Variants in DNER observed in about 807,000 individuals in gnomAD.
DNER encodes the protein delta and Notch-like epidermal growth factor-related receptor.
DNER carries 33 observed loss-of-function variants against 78.2 expected under a neutral mutation model. That is an observed-to-expected ratio of 0.42 (90% CI 0.32 to 0.56). The LOEUF (loss-of-function observed/expected upper bound fraction) is 0.56, where lower values mean the gene tolerates loss of function less well. Ranked by LOEUF, DNER falls within the 20% of genes least tolerant of loss-of-function variation. DNER has a pLI of 0.11. For synonymous variants in DNER, 417 were observed against 384.8 expected (o/e 1.08, Z -0.98); for missense variants, 918 against 975.3 (o/e 0.94, Z 0.78).
intron 1 of DNER, among the ~76,000 whole-genome samples, chr2:229,706,977 C>G (rs1444851068): frequency 6.6e-6 from 1 of 151,946 alleles, no homozygotes; most frequent in Non-Finnish European, 1.5e-5. Context: ...CTTTGGCCAC[C>G]CTTGATTTAG....
At chr2:229,371,659 A>C (rs1692486432) in intron 11 of DNER, among the ~76,000 whole-genome samples, 1 of 152,238 alleles carries the variant, frequency 6.6e-6, no homozygotes, top group East Asian at 1.9e-4. Context: ...GGCCAAGCTG[A>C]GAATAAAATC....
rs568368401 is a variant in DNER, at chr2:229,662,604, C to T, written c.276+51544G>A. 7.3e-4 allele frequency among the ~76,000 whole-genome samples: 111 copies of T among 152,278 alleles called. 1 individual carries two copies. The highest frequency in any genetic ancestry group is 1.3e-3 in the Non-Finnish European group (89 of 68,018). ...GACTCTGAGGAAGGAAACAACCACCCTCTCCTCCCTCATGGCCTTCAGGCT... is the reference window on the plus strand; with the variant it reads ...GACTCTGAGGAAGGAAACAACCACCTTCTCCTCCCTCATGGCCTTCAGGCT... On this transcript the variant is annotated intron_variant, in intron 1 of 12. Transcript: ENST00000341772.
chr2:229,396,853 C>T (rs1182773629), intron 10 of DNER, among the ~76,000 whole-genome samples: 1 of 152,022 alleles, frequency 6.6e-6, no homozygotes, highest in Non-Finnish European at 1.5e-5. Flanking sequence ...CAAAAAGTAC[C>T]TCTGAGACTC....
At chr2:229,563,411 C>G (rs1387731400) in intron 4 of DNER, among the ~76,000 whole-genome samples, 1 of 149,144 alleles carries the variant, frequency 6.7e-6, no homozygotes, top group Non-Finnish European at 1.5e-5. Context: ...ATCACCCCAT[C>G]GCCATCATCA....
chr2:229,530,285 A>G (rs1696278678), intron 5 of DNER, among the ~76,000 whole-genome samples: 1 of 152,200 alleles, frequency 6.6e-6, no homozygotes, highest in Admixed American at 6.5e-5. Flanking sequence ...CAAAAACAAA[A>G]TGCATAAATG....
chr2:229,413,341 T>TTTTTTTTTTC, intron 9 of DNER, among the ~76,000 whole-genome samples: 1 of 137,188 alleles, frequency 7.3e-6, no homozygotes, highest in Non-Finnish European at 1.6e-5. Context: ...TTTTTTTTTT[T>TTTTTTTTTTC]TGACGGAGTC....
rs974791695 is a variant in DNER, at chr2:229,714,392, G to C, written c.32C>G (p.Ala11Gly). 2.5e-6 allele frequency: 3 copies of C among 1,189,234 alleles called. No homozygotes were observed. The highest frequency in any genetic ancestry group is 7.5e-5 in the East Asian group (2 of 26,580). 73.7% of individuals were successfully genotyped at this position (1,189,234 alleles called of 1,614,324 possible). The change falls in exon 1 of 13, where the codon GCG becomes GGG. Residue 11 changes from alanine (A) to glycine (G), a missense_variant. Physicochemically the swap from Ala to Gly is moderately conservative, Grantham distance 60 (BLOSUM62 0). Coordinates refer to ENST00000341772, the MANE Select transcript of DNER (RefSeq NM_139072.4). ...CAGGGCCAGCGCGGGCAGCAGCTGC[G>C]CACCGGGCGCCTGGGCGCGGCGGGG... MQPRRAQAPG[A>G]QLLPALALLL...
chr2:229,497,237 A>C (rs1400805323), intron 6 of DNER, among the ~76,000 whole-genome samples: 1 of 152,196 alleles, frequency 6.6e-6, no homozygotes, highest in African/African-American at 2.4e-5. Flanking sequence ...AAAAATGTAA[A>C]AATATCTTGA....
chr2:229,675,862 G>A (rs1481247582), intron 1 of DNER, among the ~76,000 whole-genome samples: 1 of 152,168 alleles, frequency 6.6e-6, no homozygotes, highest in Non-Finnish European at 1.5e-5. Flanking sequence ...GGTGAATAAT[G>A]AAGTCCACCT....
intron 9 of DNER, among the ~76,000 whole-genome samples, chr2:229,410,187 A>G (rs533013041): frequency 4.2e-4 from 64 of 152,288 alleles, no homozygotes; most frequent in African/African-American, 1.5e-3. Flanking sequence ...TGCAAAGCTG[A>G]ACCTTGATTT....
At chr2:229,565,474 A>T (rs1406524238) in intron 4 of DNER, among the ~76,000 whole-genome samples, 1 of 152,228 alleles carries the variant, frequency 6.6e-6, no homozygotes, top group African/African-American at 2.4e-5. Context: ...AGTTGTAAAA[A>T]ATATGTGAAT....
At chr2:229,604,567 C>G (rs1461249908) in intron 1 of DNER, among the ~76,000 whole-genome samples, 2 of 152,122 alleles carry the variant, frequency 1.3e-5, no homozygotes, top group African/African-American at 2.4e-5. Context: ...TCGGGGGAGG[C>G]TTTGGGTTGA....
intron 8 of DNER, among the ~76,000 whole-genome samples, chr2:229,432,636 G>A (rs1023989624): frequency 6.6e-6 from 1 of 152,104 alleles, no homozygotes; most frequent in African/African-American, 2.4e-5. Flanking sequence ...GGGTCTCAGT[G>A]CAGTCCCCAG....
intron 1 of DNER, among the ~76,000 whole-genome samples, chr2:229,711,215 G>C (rs1004910869): frequency 6.6e-6 from 1 of 152,102 alleles, no homozygotes; most frequent in Non-Finnish European, 1.5e-5. Flanking sequence ...CACCAAAGGA[G>C]GGAACCCCTG....
At chr2:229,474,296 A>G (rs958481378) in intron 7 of DNER, among the ~76,000 whole-genome samples, 1 of 152,222 alleles carries the variant, frequency 6.6e-6, no homozygotes, top group Non-Finnish European at 1.5e-5. Context: ...GGCCAGTGGG[A>G]GAGGCAGCTT....
intron 6 of DNER, among the ~76,000 whole-genome samples, chr2:229,500,078 C>T (rs1260398478): frequency 6.6e-6 from 1 of 152,122 alleles, no homozygotes; most frequent in African/African-American, 2.4e-5. Context: ...GGACTACAGG[C>T]ACTTGCCACC....
At chr2:229,606,727 G>A (rs994911038) in intron 1 of DNER, among the ~76,000 whole-genome samples, 2 of 151,972 alleles carry the variant, frequency 1.3e-5, no homozygotes, top group African/African-American at 2.4e-5. Context: ...ACCCTGTCTC[G>A]ATTAAAAATG....
rs138199482 is a variant in DNER, at chr2:229,395,374, G to A, written c.1724-6978C>T. Among the ~76,000 whole-genome samples, 42 of 152,332 alleles carry A rather than the reference G, an allele frequency of 2.8e-4. 1 individual carries two copies. The South Asian group carries it at 8.3e-3, about 30-fold the overall frequency. ...TAAAACACCCTTTGGGGGATGGGCTGATCACAGAGTGGGCTGATCAGCGTT... is the reference window on the plus strand; with the variant it reads ...TAAAACACCCTTTGGGGGATGGGCTAATCACAGAGTGGGCTGATCAGCGTT... On this transcript the variant is annotated intron_variant, in intron 10 of 12. Coordinates refer to ENST00000341772, the MANE Select transcript of DNER (RefSeq NM_139072.4).
chr2:229,627,194 A>T (rs1179716583), intron 1 of DNER, among the ~76,000 whole-genome samples: 2 of 152,224 alleles, frequency 1.3e-5, no homozygotes, highest in Non-Finnish European at 2.9e-5. Flanking sequence ...ACCCTGTGAG[A>T]TATCCACACA....
Sources: allele counts gnomAD v4.1 joint callset (sites outside exome capture counted in the v4.1 genomes callset), GRCh38; gene constraint gnomAD v4.1.1; transcripts MANE v1.5; gene names NCBI Gene and HGNC (gene_info 2026-07-23, HGNC 2026-07-21).